The following AK4 variants were observed in gnomAD, a reference collection of about 807,000 sequenced individuals.
AK4 encodes adenylate kinase 4, mitochondrial.
Under a neutral mutation model 24.6 loss-of-function variants are expected in AK4, and 13 were observed. The observed-to-expected ratio is 0.53, with a 90% CI of 0.34 to 0.84. The LOEUF is 0.84. Among genes scored for constraint, AK4 ranks in the 40% least tolerant of loss-of-function variants. The probability of loss-of-function intolerance (pLI) is 0.01; values close to 1 mark genes in which losing one functional copy is unlikely to be tolerated. For synonymous variants in AK4, 88 were observed against 107.0 expected (o/e 0.82, Z 1.10); for missense variants, 192 against 288.2 (o/e 0.67, Z 2.42).
chr1:65,222,951 G>T (rs1652340555), intron 3 of AK4, among the ~76,000 whole-genome samples: 1 of 151,832 alleles, frequency 6.6e-6, no homozygotes, highest in Non-Finnish European at 1.5e-5. Flanking sequence ...ATTTTAAGGA[G>T]GCATGATTCC....
At position 65,148,227 on chromosome 1, in the gene AK4, C is replaced by A; in HGVS notation, c.-181C>A. 1 of 1,229,862 alleles carries A rather than the reference C, an allele frequency of 8.1e-7. No individual in the cohort carries two copies. The highest frequency in any genetic ancestry group is 1.1e-6 in the Non-Finnish European group (1 of 921,134). 76.2% of individuals were successfully genotyped at this position (1,229,862 alleles called of 1,614,324 possible). A position where few individuals can be genotyped will look rare whatever the true frequency, so the allele number is the denominator to read the frequency against. On this transcript the variant is annotated 5_prime_UTR_variant, in exon 1 of 5. Transcript: ENST00000327299. ...CAGTCCGCCTGCTACTCGGTCCCGGCGCTGGGCTGAGGGGAGGGGTTGTCT... is the reference window on the plus strand; with the variant it reads ...CAGTCCGCCTGCTACTCGGTCCCGGAGCTGGGCTGAGGGGAGGGGTTGTCT...
At chr1:65,216,632 T>C (rs933630217) in intron 2 of AK4, among the ~76,000 whole-genome samples, 1 of 145,226 alleles carries the variant, frequency 6.9e-6, no homozygotes, top group Admixed American at 6.6e-5. Flanking sequence ...ACCTTTCTTT[T>C]TTTTTCTTTT....
intron 1 of AK4, among the ~76,000 whole-genome samples, chr1:65,164,020 G>GTTA (rs1370823585): frequency 6.6e-6 from 1 of 152,170 alleles, no homozygotes; most frequent in African/African-American, 2.4e-5. Context: ...ACAGAGTGAT[G>GTTA]TTATCCCCAG....
At chr1:65,215,927 G>A (rs1002112533) in intron 2 of AK4, among the ~76,000 whole-genome samples, 11 of 152,080 alleles carry the variant, frequency 7.2e-5, no homozygotes, top group South Asian at 2.1e-4. Flanking sequence ...ACCTCTATCC[G>A]ATATAAAGAC....
intron 1 of AK4, among the ~76,000 whole-genome samples, chr1:65,170,651 A>T (rs1426993714): frequency 6.6e-6 from 1 of 152,170 alleles, no homozygotes; most frequent in Non-Finnish European, 1.5e-5. Flanking sequence ...TCGGCGCGAG[A>T]TGTTCTAAGT....
intron 1 of AK4, among the ~76,000 whole-genome samples, chr1:65,163,087 G>A (rs1427279947): frequency 6.6e-6 from 1 of 152,124 alleles, no homozygotes; most frequent in East Asian, 1.9e-4. Context: ...GTAAGTTTTT[G>A]TATGGATGTA....
At chr1:65,206,728 A>G (rs914958612) in intron 2 of AK4, among the ~76,000 whole-genome samples, 1 of 152,236 alleles carries the variant, frequency 6.6e-6, no homozygotes, top group African/African-American at 2.4e-5. Flanking sequence ...GCAGTGAGCT[A>G]TGATCGCATC....
At chr1:65,209,611 C>T (rs550839108) in intron 2 of AK4, among the ~76,000 whole-genome samples, 16 of 152,180 alleles carry the variant, frequency 1.1e-4, no homozygotes, top group Admixed American at 5.2e-4. Context: ...CTGTTCTTGG[C>T]GGCTGATTGG....
chr1:65,148,081 TGACCCCTGGAGGCCGA>T (rs879883218), upstream of AK4: 387 of 311,800 alleles, frequency 1.2e-3, 4 homozygotes, highest in East Asian at 0.024. Context: ...GGCCGACCTC[TGACCCCTGGAGGCCGA>T]GTCGGCAGGG....
chr1:65,153,423 C>T (rs1247456766), intron 1 of AK4, among the ~76,000 whole-genome samples: 3 of 152,126 alleles, frequency 2.0e-5, no homozygotes, highest in African/African-American at 7.2e-5. Flanking sequence ...GCATGCACCA[C>T]CATGCCCGGA....
chr1:65,179,489 T>A (rs1376095742), intron 1 of AK4, among the ~76,000 whole-genome samples: 2 of 152,204 alleles, frequency 1.3e-5, no homozygotes, highest in African/African-American at 4.8e-5. Context: ...ATAGGGAATA[T>A]TATACCCTAG....
chr1:65,174,454 T>C lies in AK4; in HGVS notation c.146-16256T>C, dbSNP rs557611734. On this transcript the variant is annotated intron_variant, in intron 1 of 4. Transcript: ENST00000327299. Reference sequence around the variant, plus strand: ...ACAGATCCTCGAGTGTCAGGACTTATTATTATTTTTTTCTTGGCTACAATT... The same window carrying C: ...ACAGATCCTCGAGTGTCAGGACTTACTATTATTTTTTTCTTGGCTACAATT... Among the ~76,000 whole-genome samples, 4 of 152,270 alleles carry C rather than the reference T, an allele frequency of 2.6e-5. No homozygotes were observed. In the East Asian group the frequency reaches 7.7e-4, roughly 29 times the overall value.
chr1:65,206,604 A>C (rs563962567), intron 2 of AK4, among the ~76,000 whole-genome samples: 65 of 152,274 alleles, frequency 4.3e-4, no homozygotes, highest in Admixed American at 5.9e-4. Context: ...CACACACACA[A>C]ACACACACAC....
At chr1:65,190,975 G>A in intron 2 of AK4, 146 bp downstream of exon 2, 2 of 1,051,216 alleles carry the variant, frequency 1.9e-6, no homozygotes, top group Non-Finnish European at 2.6e-6. Context: ...CAACATGATA[G>A]GAACCCATTG....
At chr1:65,176,570 A>G (rs939662930) in intron 1 of AK4, among the ~76,000 whole-genome samples, 10 of 151,894 alleles carry the variant, frequency 6.6e-5, no homozygotes, top group African/African-American at 2.2e-4. Context: ...TCCCCTCCTC[A>G]CCACAGAGAT....
chr1:65,188,051 G>A (rs1651162299), intron 1 of AK4, among the ~76,000 whole-genome samples: 1 of 152,114 alleles, frequency 6.6e-6, no homozygotes, highest in Non-Finnish European at 1.5e-5. Flanking sequence ...AGTTGGGGTT[G>A]GGGGTACAGA....
intron 1 of AK4, among the ~76,000 whole-genome samples, chr1:65,179,377 G>A (rs570901578): frequency 1.3e-5 from 2 of 152,274 alleles, no homozygotes; most frequent in South Asian, 4.1e-4. Flanking sequence ...ATGGACTGGG[G>A]CCAACTTGCT....
intron 1 of AK4, among the ~76,000 whole-genome samples, chr1:65,173,757 G>A (rs941932797): frequency 6.6e-6 from 1 of 152,070 alleles, no homozygotes; most frequent in African/African-American, 2.4e-5. Flanking sequence ...CAGCTGCTTA[G>A]GAGACTGAGG....
In AK4 at chr1:65,167,808, T is replaced by G. The variant is rs569965910; in HGVS notation, c.145+19256T>G. 1.9e-3 allele frequency among the ~76,000 whole-genome samples: 292 copies of G among 152,248 alleles called. 1 individual carries two copies. Among genetic ancestry groups the G allele is most frequent in the Non-Finnish European group, 3.5e-3 (237 of 68,018 alleles). ...TGGACAGGTCTAATTGTTGGAAGAT[T>G]TTTTTTCCCCTTATACTGAGATGAA... On this transcript the variant is annotated intron_variant, in intron 1 of 4. Transcript: ENST00000327299.
Sources: gnomAD v4.1 joint callset for allele counts (sites outside exome capture counted in the v4.1 genomes callset) on GRCh38, gnomAD v4.1.1 for gene constraint, MANE v1.5 for transcripts, NCBI Gene and HGNC (gene_info 2026-07-23, HGNC 2026-07-21) for gene names.